BCR: variants seen among roughly 807,000 people sequenced by gnomAD.
BCR encodes the protein breakpoint cluster region protein.
In BCR, 58 loss-of-function variants were observed where a neutral mutation model predicts 138.6. The observed-to-expected ratio is 0.42, with a 90% CI of 0.34 to 0.52. BCR has a LOEUF of 0.52. Ranked by LOEUF, BCR falls within the 20% of genes least tolerant of loss-of-function variation. BCR has a pLI of 0.06. For synonymous variants in BCR, 786 were observed against 730.1 expected, an observed-to-expected ratio of 1.08 and a Z score of -1.23; for missense variants, 1,599 against 1,727.2, an observed-to-expected ratio of 0.93 and a Z score of 1.32.
At chr22:23,207,435 GCAACA>G (rs2072630270) in intron 1 of BCR, among the ~76,000 whole-genome samples, 1 of 152,112 alleles carries the variant, frequency 6.6e-6, no homozygotes, top group Non-Finnish European at 1.5e-5. Context: ...ACCAGCCTAA[GCAACA>G]TAGCAAGACG....
chr22:23,307,137 G>A (rs1192892514), intron 16 of BCR, among the ~76,000 whole-genome samples: 1 of 152,140 alleles, frequency 6.6e-6, no homozygotes, highest in Admixed American at 6.5e-5. Context: ...GCTTTGTTGC[G>A]CAGGCTGGAG....
chr22:23,303,377 A>G (rs1252199744), intron 16 of BCR, among the ~76,000 whole-genome samples: 3 of 152,204 alleles, frequency 2.0e-5, no homozygotes, highest in African/African-American at 7.2e-5. Context: ...GAAGGCACCA[A>G]GAATCCTCAT....
At chr22:23,233,307 T>C (rs1037983554) in intron 1 of BCR, among the ~76,000 whole-genome samples, 17 of 152,216 alleles carry the variant, frequency 1.1e-4, no homozygotes, top group South Asian at 2.1e-4. Context: ...GCCTTTCTCC[T>C]GGTGGAAGCA....
chr22:23,225,165 G>A (rs1330729987), intron 1 of BCR, among the ~76,000 whole-genome samples: 2 of 151,362 alleles, frequency 1.3e-5, no homozygotes, highest in Non-Finnish European at 2.9e-5. Context: ...CAGGAGAACC[G>A]GAATTGACTT....
intron 16 of BCR, 135 bp downstream of exon 16, chr22:23,295,290 A>G: frequency 1.7e-6 from 2 of 1,159,238 alleles, no homozygotes; most frequent in South Asian, 1.6e-5. Flanking sequence ...TGAAACATCC[A>G]TCGTGGGAGA....
intron 1 of BCR, among the ~76,000 whole-genome samples, chr22:23,233,521 C>T (rs542984767): frequency 5.0e-4 from 76 of 152,314 alleles, no homozygotes; most frequent in African/African-American, 1.8e-3. Flanking sequence ...GGCATGGAGG[C>T]TCGTGCCTGT....
At chr22:23,287,110 T>C (rs1210831956) in intron 10 of BCR, 49 bp from the exon 11 acceptor site, 2 of 1,559,486 alleles carry the variant, frequency 1.3e-6, no homozygotes, top group Non-Finnish European at 1.7e-6. Context: ...GGGAGTGGGT[T>C]GTGTGGAGCG....
chr22:23,201,751 G>A (rs550306277), intron 1 of BCR, among the ~76,000 whole-genome samples: 11 of 152,216 alleles, frequency 7.2e-5, no homozygotes, highest in East Asian at 1.9e-4. Flanking sequence ...CACCGCGCCC[G>A]GCCAAGTCTG....
chr22:23,202,154 C>T (rs896847822), intron 1 of BCR, among the ~76,000 whole-genome samples: 3 of 151,968 alleles, frequency 2.0e-5, no homozygotes, highest in African/African-American at 7.3e-5. Context: ...TCGAGTGGTT[C>T]TTTATGCAGC....
At chr22:23,219,058 T>C (rs2072790599) in intron 1 of BCR, among the ~76,000 whole-genome samples, 1 of 152,146 alleles carries the variant, frequency 6.6e-6, no homozygotes, top group African/African-American at 2.4e-5. Flanking sequence ...GCTGCCCTAA[T>C]GGCTGTGACA....
intron 1 of BCR, among the ~76,000 whole-genome samples, chr22:23,220,002 C>T (rs1046457061): frequency 9.2e-5 from 14 of 152,314 alleles, no homozygotes; most frequent in African/African-American, 2.6e-4. Flanking sequence ...GCTTCTGACT[C>T]GAAGGACACG....
chr22:23,289,381 C>T (rs2073756557), intron 12 of BCR, 136 bp from the exon 13 acceptor site: 2 of 705,216 alleles, frequency 2.8e-6, no homozygotes. Flanking sequence ...CAAGTGCCCT[C>T]TCCTGAGCCC....
chr22:23,186,769 T>C (rs1252668813), intron 1 of BCR, among the ~76,000 whole-genome samples: 2 of 152,174 alleles, frequency 1.3e-5, no homozygotes, highest in Non-Finnish European at 2.9e-5. Flanking sequence ...TGCAGTGGCG[T>C]GATCTCTGCT....
chr22:23,315,617 T>A lies in BCR; in HGVS notation c.*95T>A. On this transcript the variant is annotated 3_prime_UTR_variant, in exon 23 of 23. Transcript: ENST00000305877. ...AGCGGGAACCTTCCTGAGGTGTCCT[T>A]GGGCCACCCCCAAGTGTTGGGCCAT... 1 of 1,171,008 alleles carries A rather than the reference T, an allele frequency of 8.5e-7. No individual in the cohort carries two copies. The highest frequency in any genetic ancestry group is 1.3e-6 in the Non-Finnish European group (1 of 792,652). 72.5% of individuals were successfully genotyped at this position (1,171,008 alleles called of 1,614,324 possible).
chr22:23,198,286 C>T, intron 1 of BCR: 1 of 449,390 alleles, frequency 2.2e-6, no homozygotes, highest in Non-Finnish European at 4.4e-6. Context: ...TCGGCCTGCT[C>T]TGTTCCGGGG....
At position 23,315,532 on chromosome 22, in the gene BCR, T is replaced by C; in HGVS notation, c.*10T>C. 2 of 1,611,268 alleles carry C rather than the reference T, an allele frequency of 1.2e-6. No individual in the cohort carries two copies. The highest frequency in any genetic ancestry group is 1.7e-6 in the Non-Finnish European group (2 of 1,179,226). ...CTCCACCGAAGTCTAAAGGTCCCAG[T>C]CCATCTCCTGGAGGCGGACAGATGG... On this transcript the variant is annotated 3_prime_UTR_variant, in exon 23 of 23. Transcript: ENST00000305877.
chr22:23,289,702 T>C (rs754062916), intron 13 of BCR, 81 bp downstream of exon 13: 11 of 1,235,546 alleles, frequency 8.9e-6, no homozygotes, highest in Non-Finnish European at 1.3e-5. Flanking sequence ...CCCTTCCTGT[T>C]AGCACTTTTG....
rs1313304440 is a variant in BCR, at chr22:23,292,561, G to A, written c.2803G>A (p.Val935Met). 12 of 1,613,568 alleles carry A rather than the reference G, an allele frequency of 7.4e-6. No individual in the cohort carries two copies. The highest frequency in any genetic ancestry group is 1.0e-5 in the Non-Finnish European group (12 of 1,179,624). The change falls in exon 15 of 23, where the codon GTG becomes ATG. Residue 935 changes from valine to methionine, a missense_variant. This residue lies in a region of BCR where 590 missense variants were observed against 762.4 expected (regional missense o/e 0.77). Transcript: ENST00000305877. The stretch of plus-strand genomic sequence containing the variant: ...CACAGATCTGTACTGCACCCTGGAG[G>A]TGGATTCCTTTGGGTATTTTGTGAA... ...QSSNLYCTLE[V>M]DSFGYFVNKA...
At chr22:23,272,189 G>A (rs944578889) in intron 6 of BCR, among the ~76,000 whole-genome samples, 2 of 152,196 alleles carry the variant, frequency 1.3e-5, no homozygotes, top group Admixed American at 1.3e-4. Flanking sequence ...CAGAGCACAG[G>A]CTTTAAGTGG....
Sources: gnomAD v4.1 joint callset for allele counts (sites outside exome capture counted in the v4.1 genomes callset) on GRCh38, gnomAD v4.1.1 for gene constraint, gnomAD v4.1.1 regional missense constraint, MANE v1.5 for transcripts, NCBI Gene and HGNC (gene_info 2026-07-23, HGNC 2026-07-21) for gene names.